Variants in SLC2A13 observed in about 807,000 individuals in gnomAD.
SLC2A13 encodes proton myo-inositol cotransporter.
SLC2A13 carries 32 observed loss-of-function variants against 64.4 expected under a neutral mutation model. That is an observed-to-expected ratio of 0.50 (90% CI 0.37 to 0.67). The LOEUF is 0.67. Among genes scored for constraint, SLC2A13 ranks in the 30% least tolerant of loss-of-function variants. SLC2A13 has a pLI of 0.00. For missense variants in SLC2A13, 743 were observed against 829.2 expected, an observed-to-expected ratio of 0.90 and a Z score of 1.28; for synonymous variants, 338 against 327.1, an observed-to-expected ratio of 1.03 and a Z score of -0.36.
intron 1 of SLC2A13, among the ~76,000 whole-genome samples, chr12:40,095,288 T>C (rs1035838642): frequency 1.4e-4 from 22 of 152,316 alleles, no homozygotes; most frequent in Non-Finnish European, 2.9e-4. Flanking sequence ...CTGTGCCTTT[T>C]AAAACAAAAA....
intron 3 of SLC2A13, among the ~76,000 whole-genome samples, chr12:39,971,127 T>A (rs1309153315): frequency 2.0e-5 from 3 of 152,146 alleles, no homozygotes. Context: ...TTTTATAATT[T>A]ATATTTATTT....
intron 1 of SLC2A13, among the ~76,000 whole-genome samples, chr12:40,080,500 C>A (rs1241583566): frequency 6.6e-6 from 1 of 152,210 alleles, no homozygotes; most frequent in African/African-American, 2.4e-5. Context: ...AAGCAATTCT[C>A]CTGCCTTAGC....
intron 3 of SLC2A13, among the ~76,000 whole-genome samples, chr12:40,003,297 C>A (rs1290081395): frequency 6.6e-6 from 1 of 152,198 alleles, no homozygotes; most frequent in Non-Finnish European, 1.5e-5. Context: ...CCCTATTTAA[C>A]AACTAGAATC....
chr12:39,874,489 C>T (rs915522377), intron 4 of SLC2A13, among the ~76,000 whole-genome samples: 4 of 151,910 alleles, frequency 2.6e-5, no homozygotes, highest in Admixed American at 2.0e-4. Context: ...GTAGCGGGCA[C>T]CTGTAATCCT....
chr12:40,097,168 T>C (rs530881691), intron 1 of SLC2A13, among the ~76,000 whole-genome samples: 38 of 152,320 alleles, frequency 2.5e-4, no homozygotes, highest in African/African-American at 8.7e-4. Context: ...CTTTTTATAA[T>C]GCCTCTGTTA....
chr12:39,783,200 T>A (rs1941060157), intron 7 of SLC2A13, among the ~76,000 whole-genome samples: 2 of 152,220 alleles, frequency 1.3e-5, no homozygotes, highest in Non-Finnish European at 2.9e-5. Context: ...GGACATGAAC[T>A]CATCCTTTTT....
chr12:39,896,177 T>C (rs1273355222), intron 4 of SLC2A13, among the ~76,000 whole-genome samples: 1 of 148,750 alleles, frequency 6.7e-6, no homozygotes, highest in African/African-American at 2.5e-5. Context: ...TATATGAATA[T>C]GTATATATGT....
At chr12:40,015,993 T>C (rs1390046233) in intron 3 of SLC2A13, among the ~76,000 whole-genome samples, 4 of 152,192 alleles carry the variant, frequency 2.6e-5, no homozygotes, top group Admixed American at 2.6e-4. Flanking sequence ...GCTCTTTTAT[T>C]AGTTTTCAAA....
intron 3 of SLC2A13, among the ~76,000 whole-genome samples, chr12:40,018,005 A>AAAAG (rs907734039): frequency 5.3e-5 from 8 of 151,866 alleles, no homozygotes; most frequent in Non-Finnish European, 1.2e-4. Context: ...AAAGAAAGAA[A>AAAAG]AAAGAAAGGA....
At chr12:39,929,466 G>A (rs1410696210) in intron 4 of SLC2A13, among the ~76,000 whole-genome samples, 3 of 151,716 alleles carry the variant, frequency 2.0e-5, no homozygotes, top group Non-Finnish European at 4.4e-5. Context: ...CAGGAGAATC[G>A]CTTGAACCCG....
chr12:39,868,847 C>G (rs1181207938), intron 5 of SLC2A13, among the ~76,000 whole-genome samples: 2 of 152,158 alleles, frequency 1.3e-5, no homozygotes, highest in South Asian at 2.1e-4. Context: ...TATTCATGGA[C>G]TACATATTTT....
intron 4 of SLC2A13, 33 bp downstream of exon 4, chr12:39,951,224 C>T: frequency 1.9e-6 from 3 of 1,560,132 alleles, no homozygotes; most frequent in Non-Finnish European, 2.6e-6. Flanking sequence ...CTTTCACAAT[C>T]TTTTCAGTAA....
chr12:39,891,948 A>G (rs895301311), intron 4 of SLC2A13, among the ~76,000 whole-genome samples: 3 of 152,162 alleles, frequency 2.0e-5, no homozygotes, highest in Admixed American at 2.0e-4. Context: ...GAATAATCCT[A>G]TTTTGGGAAA....
chr12:39,843,542 A>C (rs1943229340), intron 6 of SLC2A13, among the ~76,000 whole-genome samples: 1 of 152,082 alleles, frequency 6.6e-6, no homozygotes, highest in Non-Finnish European at 1.5e-5. Context: ...GTAGATAGAG[A>C]ATTATAATAC....
intron 4 of SLC2A13, among the ~76,000 whole-genome samples, chr12:39,939,657 G>C (rs1162800846): frequency 6.6e-6 from 1 of 152,140 alleles, no homozygotes; most frequent in Non-Finnish European, 1.5e-5. Flanking sequence ...ATAAAAATAT[G>C]GTCTTAACAT....
At chr12:39,835,594 G>C (rs1248853747) in intron 6 of SLC2A13, 1 of 152,122 alleles carries the variant, frequency 6.6e-6, no homozygotes, top group Non-Finnish European at 1.5e-5. Flanking sequence ...AGCTGATGGA[G>C]ATGGCCCTCA....
intron 3 of SLC2A13, among the ~76,000 whole-genome samples, chr12:40,008,063 C>A (rs143525404): frequency 0.014 from 2,125 of 152,232 alleles, 129 homozygotes; most frequent in Admixed American, 0.096. Flanking sequence ...ATGTATAATT[C>A]TGAACTAATC....
intron 7 of SLC2A13, among the ~76,000 whole-genome samples, chr12:39,804,364 G>T (rs1213225299): frequency 6.6e-6 from 1 of 152,122 alleles, no homozygotes; most frequent in Non-Finnish European, 1.5e-5. Context: ...TATACTTCGA[G>T]CTATGTGAAG....
At chr12:39,792,848 G>A (rs555083922) in intron 7 of SLC2A13, among the ~76,000 whole-genome samples, 1 of 150,480 alleles carries the variant, frequency 6.6e-6, no homozygotes, top group Non-Finnish European at 1.5e-5. Context: ...AGTTCAAACC[G>A]ATATTGTTCT....
Sources: allele counts gnomAD v4.1 joint callset (sites outside exome capture counted in the v4.1 genomes callset), GRCh38; gene constraint gnomAD v4.1.1; transcripts MANE v1.5; gene names NCBI Gene and HGNC (gene_info 2026-07-23, HGNC 2026-07-21).